The following CSMD1 variants were observed in gnomAD, a reference collection of about 807,000 sequenced individuals.
The protein encoded by CSMD1 is CUB and sushi domain-containing protein 1.
In CSMD1, 213 loss-of-function variants were observed where a neutral mutation model predicts 417.5. The observed-to-expected ratio is 0.51, with a 90% CI of 0.46 to 0.57. CSMD1 has a LOEUF of 0.57. Ranked by LOEUF, CSMD1 falls within the 20% of genes least tolerant of loss-of-function variation. The pLI, the probability that CSMD1 is intolerant of heterozygous loss-of-function variation, is 0.00. For missense variants in CSMD1, 6,923 were observed against 4,529.7 expected (o/e 1.53, Z -15.17); for synonymous variants, 2,862 against 1,736.8 (o/e 1.65, Z -16.11).
intron 3 of CSMD1, among the ~76,000 whole-genome samples, chr8:4,381,732 T>C (rs1433444951): frequency 2.6e-5 from 4 of 152,198 alleles, no homozygotes; most frequent in Non-Finnish European, 1.5e-5. Flanking sequence ...GGATGGACTT[T>C]AGGCTTCGAT....
intron 2 of CSMD1, among the ~76,000 whole-genome samples, chr8:4,469,679 C>T (rs970661139): frequency 2.0e-5 from 3 of 152,080 alleles, no homozygotes; most frequent in African/African-American, 4.8e-5. Flanking sequence ...GCCCAGGGAA[C>T]TCTTGTCATC....
chr8:3,125,371 G>T (rs1038448229), intron 41 of CSMD1, among the ~76,000 whole-genome samples: 3 of 152,220 alleles, frequency 2.0e-5, no homozygotes, highest in African/African-American at 7.2e-5. Flanking sequence ...CCCTCATCAC[G>T]CATGGCCTTC....
At chr8:3,985,948 T>G (rs940582874) in intron 5 of CSMD1, among the ~76,000 whole-genome samples, 15 of 151,966 alleles carry the variant, frequency 9.9e-5, no homozygotes, top group African/African-American at 3.1e-4. Flanking sequence ...TTTTTCTAAT[T>G]CTAGCCTAAA....
intron 5 of CSMD1, among the ~76,000 whole-genome samples, chr8:3,872,528 C>A (rs757340369): frequency 6.6e-6 from 1 of 152,182 alleles, no homozygotes; most frequent in Non-Finnish European, 1.5e-5. Flanking sequence ...TCTGCCAGGT[C>A]ACTGAAAGGC....
rs1321191953 is a variant in CSMD1, at chr8:4,994,392, A to G, written c.25T>C (p.Ser9Pro). ...AGCAGCCCGAGAAGCAGGAGCAGCG[A>G]CTGGAATCTCCTCCACGCAGTCATG... MTAWRRFQ[S>P]LLLLLGLLVL... Residue 9 changes from serine (S) to proline (P), a missense_variant, in exon 1 of 70, where the codon TCG becomes CCG. Transcript: ENST00000635120. 6.2e-7 allele frequency: 1 copy of G among 1,612,202 alleles called. No individual in the cohort carries two copies. Among genetic ancestry groups the G allele is most frequent in the Non-Finnish European group, 8.5e-7 (1 of 1,179,820 alleles).
chr8:4,938,200 G>C (rs78615686), intron 1 of CSMD1, among the ~76,000 whole-genome samples: 5,594 of 152,222 alleles, frequency 0.037, 139 homozygotes, highest in Non-Finnish European at 0.054. Context: ...TGTTGACTTT[G>C]AGCTACTAGT....
chr8:4,190,535 C>A (rs1798961426), intron 3 of CSMD1, among the ~76,000 whole-genome samples: 1 of 113,834 alleles, frequency 8.8e-6, no homozygotes. Context: ...TTTACATACA[C>A]ATATAAGCTT....
At chr8:3,974,785 T>A (rs865943042) in intron 5 of CSMD1, among the ~76,000 whole-genome samples, 6 of 152,132 alleles carry the variant, frequency 3.9e-5, no homozygotes, top group Non-Finnish European at 8.8e-5. Context: ...GGTAATTCAA[T>A]CATTAATTCA....
At chr8:4,254,826 C>G (rs548982210) in intron 3 of CSMD1, among the ~76,000 whole-genome samples, 1 of 152,088 alleles carries the variant, frequency 6.6e-6, no homozygotes, top group Non-Finnish European at 1.5e-5. Context: ...CCTAGGTGTG[C>G]CACAGGCTGT....
intron 10 of CSMD1, among the ~76,000 whole-genome samples, chr8:3,545,263 AAAG>A (rs1450663300): frequency 6.6e-6 from 1 of 152,200 alleles, no homozygotes; most frequent in Non-Finnish European, 1.5e-5. Flanking sequence ...TTTCTGATTT[AAAG>A]AAGGACATGG....
At chr8:4,223,418 C>T (rs773556259) in intron 3 of CSMD1, among the ~76,000 whole-genome samples, 10 of 152,216 alleles carry the variant, frequency 6.6e-5, no homozygotes, top group Non-Finnish European at 1.0e-4. Context: ...AGGGCGTCAT[C>T]GCCAGGGATA....
Position 4,145,745 on chromosome 8 carries a change from T to G in CSMD1, c.416-113646A>C, listed in dbSNP as rs372179500. On this transcript the variant is annotated intron_variant, in intron 3 of 69. Coordinates refer to ENST00000635120, the MANE Select transcript of CSMD1 (RefSeq NM_033225.6). ...TTTGACTTGTCCCAAGGAACCAAAG[T>G]CAACACTGATTCCCTGCAGGTTCTG... Among the ~76,000 whole-genome samples the G allele has an allele frequency of 2.9e-4, 44 of 151,090 alleles. No individual in the cohort carries two copies. The East Asian group carries it at 7.7e-3, about 27-fold the overall frequency.
At chr8:4,239,388 T>C (rs577248349) in intron 3 of CSMD1, among the ~76,000 whole-genome samples, 3 of 152,196 alleles carry the variant, frequency 2.0e-5, no homozygotes, top group African/African-American at 7.2e-5. Flanking sequence ...TTGGCCATGG[T>C]TGGGATCTAT....
At position 4,331,574 on chromosome 8, in the gene CSMD1, C is replaced by G. The variant is rs184569758; in HGVS notation, c.415+88379G>C. Among the ~76,000 whole-genome samples the G allele has an allele frequency of 3.9e-3, 592 of 152,228 alleles. 5 individuals are homozygous for G. Among genetic ancestry groups the G allele is most frequent in the Non-Finnish European group, 3.4e-3 (229 of 68,008 alleles). On this transcript the variant is annotated intron_variant, in intron 3 of 69. Coordinates refer to ENST00000635120, the MANE Select transcript of CSMD1 (RefSeq NM_033225.6). ...ATGAATTAAATCCACAGCTGGGAGA[C>G]TGCAGACAATGGGGCAACATTTATA...
At chr8:4,230,562 G>A (rs564566547) in intron 3 of CSMD1, among the ~76,000 whole-genome samples, 13 of 152,170 alleles carry the variant, frequency 8.5e-5, no homozygotes, top group African/African-American at 3.1e-4. Context: ...GGACAATAAA[G>A]TCCAATCATA....
At chr8:4,764,240 A>C (rs1356064579) in intron 1 of CSMD1, among the ~76,000 whole-genome samples, 2 of 152,232 alleles carry the variant, frequency 1.3e-5, no homozygotes, top group Non-Finnish European at 2.9e-5. Context: ...GTCGTATTGT[A>C]CAGAGATTAG....
intron 5 of CSMD1, among the ~76,000 whole-genome samples, chr8:3,807,716 C>G (rs1455569049): frequency 6.6e-6 from 1 of 152,036 alleles, no homozygotes; most frequent in South Asian, 2.1e-4. Context: ...TATAAGGGAT[C>G]CTAATGTCTT....
chr8:3,277,901 C>G (rs984766204), intron 26 of CSMD1, among the ~76,000 whole-genome samples: 4 of 152,104 alleles, frequency 2.6e-5, no homozygotes, highest in African/African-American at 7.2e-5. Context: ...ACAAAAGTGA[C>G]AATTTTATAC....
intron 7 of CSMD1, among the ~76,000 whole-genome samples, chr8:3,707,085 A>G (rs1759577977): frequency 6.6e-6 from 1 of 152,090 alleles, no homozygotes; most frequent in South Asian, 2.1e-4. Flanking sequence ...CCCAGGGGAC[A>G]TGTTTACCTC....
Sources: gnomAD v4.1 joint callset for allele counts (sites outside exome capture counted in the v4.1 genomes callset) on GRCh38, gnomAD v4.1.1 for gene constraint, MANE v1.5 for transcripts, NCBI Gene and HGNC (gene_info 2026-07-23, HGNC 2026-07-21) for gene names.